GPR158: variants seen among roughly 807,000 people sequenced by gnomAD.
GPR158 encodes the protein metabotropic glycine receptor.
A neutral mutation model predicts 78.2 loss-of-function variants in GPR158; 30 were observed. That is an observed-to-expected ratio of 0.38 (90% CI 0.29 to 0.52). The LOEUF (loss-of-function observed/expected upper bound fraction) is 0.52. Ranked by LOEUF, GPR158 falls within the 20% of genes least tolerant of loss-of-function variation. The probability of loss-of-function intolerance (pLI) is 0.83; values close to 1 mark genes in which losing one functional copy is unlikely to be tolerated. For synonymous variants in GPR158, 581 were observed against 591.1 expected, an observed-to-expected ratio of 0.98 and a Z score of 0.25; for missense variants, 1,463 against 1,523.5, an observed-to-expected ratio of 0.96 and a Z score of 0.66.
At chr10:25,498,070 TG>T (rs1261030853) in intron 5 of GPR158, among the ~76,000 whole-genome samples, 1 of 152,226 alleles carries the variant, frequency 6.6e-6, no homozygotes, top group Non-Finnish European at 1.5e-5. Context: ...AGGAAGGTTT[TG>T]TTTTGACCTT....
intron 4 of GPR158, among the ~76,000 whole-genome samples, chr10:25,459,814 G>T (rs1048447660): frequency 2.6e-5 from 4 of 152,076 alleles, no homozygotes; most frequent in African/African-American, 9.7e-5. Context: ...TGATAGAAAT[G>T]AGTATAATAT....
intron 2 of GPR158, among the ~76,000 whole-genome samples, chr10:25,303,256 A>G (rs1236637754): frequency 2.0e-5 from 3 of 152,256 alleles, no homozygotes; most frequent in Non-Finnish European, 4.4e-5. Context: ...TAGCTGCACT[A>G]GCCACATTTC....
intron 5 of GPR158, among the ~76,000 whole-genome samples, chr10:25,497,353 A>C (rs184565976): frequency 6.6e-6 from 1 of 152,338 alleles, no homozygotes; most frequent in East Asian, 1.9e-4. Context: ...TTAATACAGC[A>C]CTTCCCAATG....
At chr10:25,553,352 G>A (rs138514267) in intron 6 of GPR158, among the ~76,000 whole-genome samples, 292 of 152,192 alleles carry the variant, frequency 1.9e-3, no homozygotes, top group African/African-American at 6.6e-3. Context: ...TGTATCTCTA[G>A]AAGTCATTGC....
intron 5 of GPR158, among the ~76,000 whole-genome samples, chr10:25,543,442 G>A (rs982228217): frequency 6.6e-5 from 10 of 152,092 alleles, no homozygotes; most frequent in African/African-American, 1.7e-4. Context: ...TTAAAAACTC[G>A]ATGCCTTGAG....
intron 4 of GPR158, among the ~76,000 whole-genome samples, chr10:25,431,425 T>C (rs1834903690): frequency 6.8e-6 from 1 of 146,414 alleles, no homozygotes; most frequent in Non-Finnish European, 1.5e-5. Flanking sequence ...TGTAAACTAG[T>C]TCACCCATTG....
chr10:25,249,758 T>G (rs989313261), intron 2 of GPR158, among the ~76,000 whole-genome samples: 1 of 152,274 alleles, frequency 6.6e-6, no homozygotes, highest in East Asian at 1.9e-4. Flanking sequence ...ATCAAGGATA[T>G]TGGCCTAAAA....
intron 1 of GPR158, among the ~76,000 whole-genome samples, chr10:25,180,125 G>C (rs940216104): frequency 1.3e-5 from 2 of 152,058 alleles, no homozygotes; most frequent in Admixed American, 1.3e-4. Context: ...GAGGGAATTT[G>C]GAATTCCTTT....
chr10:25,519,560 G>C (rs1441229717), intron 5 of GPR158, among the ~76,000 whole-genome samples: 54 of 141,856 alleles, frequency 3.8e-4, no homozygotes, highest in Admixed American at 2.4e-3. Flanking sequence ...CTCTTTTAGG[G>C]CAGGCCTGGT....
intron 8 of GPR158, among the ~76,000 whole-genome samples, chr10:25,589,872 A>G (rs1837318026): frequency 6.6e-6 from 1 of 152,244 alleles, no homozygotes. Context: ...GGGCAGAACT[A>G]AAAGAAGGAA....
intron 2 of GPR158, among the ~76,000 whole-genome samples, chr10:25,320,281 G>C (rs1348991428): frequency 6.6e-6 from 1 of 152,082 alleles, no homozygotes; most frequent in African/African-American, 2.4e-5. Flanking sequence ...ACTTTTAATG[G>C]TCTATTTATG....
At chr10:25,596,576 T>C in intron 9 of GPR158, 67 bp from the exon 10 acceptor site, 5 of 1,098,640 alleles carry the variant, frequency 4.6e-6, no homozygotes, top group Admixed American at 2.0e-5. Context: ...GGTATAGATA[T>C]AGATATAGAT....
intron 3 of GPR158, among the ~76,000 whole-genome samples, chr10:25,398,398 C>T (rs1005136444): frequency 6.6e-6 from 1 of 152,088 alleles, no homozygotes. Context: ...GTTTATGGTC[C>T]AGACATAACA....
chr10:25,515,974 A>G lies in GPR158; in HGVS notation c.1405-35002A>G, dbSNP rs1413372970. Among the ~76,000 whole-genome samples the G allele has an allele frequency of 3.5e-3, 532 of 151,026 alleles. 3 individuals carry two copies. Among genetic ancestry groups the G allele is most frequent in the African/African-American group, 0.012 (491 of 41,170 alleles). On this transcript the variant is annotated intron_variant, in intron 5 of 10. Transcript: ENST00000376351. ...ACTTCCACAATGGTTGAACTAGTTT[A>G]CAGTCCCACCAACAGTGTAAAAGTG...
At chr10:25,399,545 G>C (rs1588845286) in intron 3 of GPR158, among the ~76,000 whole-genome samples, 1 of 152,270 alleles carries the variant, frequency 6.6e-6, no homozygotes, top group East Asian at 1.9e-4. Context: ...TCAGTCCATA[G>C]AAAAATTGTC....
intron 2 of GPR158, among the ~76,000 whole-genome samples, chr10:25,277,426 A>G (rs1854200064): frequency 6.6e-6 from 1 of 150,584 alleles, no homozygotes; most frequent in African/African-American, 2.5e-5. Context: ...AAATAGAATA[A>G]ACACAATTTC....
intron 4 of GPR158, among the ~76,000 whole-genome samples, chr10:25,423,474 G>C (rs527827250): frequency 4.0e-5 from 6 of 151,840 alleles, no homozygotes; most frequent in African/African-American, 1.5e-4. Flanking sequence ...TGCCATGTTG[G>C]ATTGCTGCAC....
chr10:25,595,286 C>T (rs1837385331), intron 9 of GPR158, among the ~76,000 whole-genome samples: 1 of 152,120 alleles, frequency 6.6e-6, no homozygotes, highest in Non-Finnish European at 1.5e-5. Flanking sequence ...CTATTTTATT[C>T]CCTACTTGAA....
chr10:25,220,445 G>A (rs1450891646), intron 1 of GPR158, among the ~76,000 whole-genome samples: 1 of 152,196 alleles, frequency 6.6e-6, no homozygotes, highest in Admixed American at 6.5e-5. Context: ...ATGGCTAAGT[G>A]AAATGCAGTC....
Sources: gnomAD v4.1 joint callset for allele counts (sites outside exome capture counted in the v4.1 genomes callset) on GRCh38, gnomAD v4.1.1 for gene constraint, MANE v1.5 for transcripts, NCBI Gene and HGNC (gene_info 2026-07-23, HGNC 2026-07-21) for gene names.